CAMK1D: variants seen among roughly 807,000 people sequenced by gnomAD.
CAMK1D encodes calcium/calmodulin dependent protein kinase ID, also known as calcium/calmodulin-dependent protein kinase type 1D.
CAMK1D carries 9 observed loss-of-function variants against 47.7 expected under a neutral mutation model. The observed-to-expected ratio is 0.19, with a 90% CI of 0.11 to 0.33. The LOEUF is 0.33. CAMK1D is among the 10% of genes least tolerant of loss of function. The probability of loss-of-function intolerance (pLI) is 1.00; values close to 1 mark genes in which losing one functional copy is unlikely to be tolerated. For synonymous variants in CAMK1D, 184 were observed against 184.9 expected (o/e 0.99, Z 0.04); for missense variants, 291 against 488.7 (o/e 0.60, Z 3.81).
chr10:12,789,534 A>C (rs1235616334), intron 5 of CAMK1D, among the ~76,000 whole-genome samples: 1 of 152,234 alleles, frequency 6.6e-6, no homozygotes, highest in African/African-American at 2.4e-5. Flanking sequence ...CAGAGTTCAA[A>C]GGATTGTAGC....
chr10:12,792,764 C>CT (rs1457008944), intron 6 of CAMK1D, among the ~76,000 whole-genome samples: 12 of 152,192 alleles, frequency 7.9e-5, no homozygotes, highest in Non-Finnish European at 7.3e-5. Flanking sequence ...CTAAAGGACT[C>CT]TCGTTTATGG....
At chr10:12,711,533 T>C (rs996136492) in intron 3 of CAMK1D, among the ~76,000 whole-genome samples, 1 of 152,228 alleles carries the variant, frequency 6.6e-6, no homozygotes, top group African/African-American at 2.4e-5. Flanking sequence ...TGTCAGAGTA[T>C]GGAGATCCTA....
intron 6 of CAMK1D, among the ~76,000 whole-genome samples, chr10:12,793,482 T>C (rs2131006385): frequency 6.6e-6 from 1 of 152,372 alleles, no homozygotes; most frequent in Admixed American, 6.5e-5. Flanking sequence ...AATGATGTCT[T>C]AGTCAGATCA....
intron 1 of CAMK1D, among the ~76,000 whole-genome samples, chr10:12,524,372 T>C (rs1564390778): frequency 6.6e-6 from 1 of 152,224 alleles, no homozygotes; most frequent in East Asian, 1.9e-4. Flanking sequence ...GTTTAGTGTT[T>C]CCTCTTCATA....
chr10:12,657,535 C>T lies in CAMK1D; in HGVS notation c.225-9201C>T, dbSNP rs534911255. Among the ~76,000 whole-genome samples, 21 of 152,272 alleles carry T rather than the reference C, an allele frequency of 1.4e-4. No homozygotes were observed. The South Asian group carries it at 2.7e-3, about 20-fold the overall frequency. On this transcript the variant is annotated intron_variant, in intron 2 of 10. Transcript: ENST00000619168. Reference sequence around the variant, plus strand: ...TCTTGGGTTCAGTGAGAGAATGAAGCGCTAATGCTTAAGACATTTATTGTC... The same window carrying T: ...TCTTGGGTTCAGTGAGAGAATGAAGTGCTAATGCTTAAGACATTTATTGTC...
At chr10:12,817,005 G>T (rs553189910) in intron 8 of CAMK1D, among the ~76,000 whole-genome samples, 1 of 147,542 alleles carries the variant, frequency 6.8e-6, no homozygotes. Flanking sequence ...GGAGTAGCAA[G>T]TCATATCTTA....
intron 1 of CAMK1D, among the ~76,000 whole-genome samples, chr10:12,445,161 C>T (rs996660891): frequency 3.9e-5 from 6 of 152,104 alleles, no homozygotes; most frequent in Non-Finnish European, 8.8e-5. Context: ...TAATGCATGC[C>T]GGCCAGTCGT....
chr10:12,733,576 A>G (rs1834993048), intron 3 of CAMK1D, among the ~76,000 whole-genome samples: 1 of 152,196 alleles, frequency 6.6e-6, no homozygotes, highest in African/African-American at 2.4e-5. Flanking sequence ...AGGATTAACC[A>G]TTCCACAGCG....
intron 1 of CAMK1D, among the ~76,000 whole-genome samples, chr10:12,459,340 T>G (rs1388161072): frequency 1.3e-5 from 2 of 152,248 alleles, no homozygotes; most frequent in African/African-American, 4.8e-5. Flanking sequence ...ATAGTTTGCT[T>G]TCACAACAGT....
At chr10:12,476,215 C>G (rs1180355827) in intron 1 of CAMK1D, among the ~76,000 whole-genome samples, 2 of 151,902 alleles carry the variant, frequency 1.3e-5, no homozygotes, top group Non-Finnish European at 2.9e-5. Context: ...TAGCTTGAAC[C>G]TGGGAGGCGG....
chr10:12,469,002 G>C (rs987671816), intron 1 of CAMK1D, among the ~76,000 whole-genome samples: 1 of 152,094 alleles, frequency 6.6e-6, no homozygotes, highest in East Asian at 1.9e-4. Flanking sequence ...CGTCCTGCCC[G>C]GGCAAGGTGG....
intron 3 of CAMK1D, among the ~76,000 whole-genome samples, chr10:12,745,502 C>T (rs1253508778): frequency 2.0e-5 from 3 of 152,220 alleles, no homozygotes; most frequent in Non-Finnish European, 2.9e-5. Context: ...GAAAGCATCT[C>T]TATCTAAGGT....
At position 12,410,878 on chromosome 10, in the gene CAMK1D, G is replaced by T. The variant is rs191272614; in HGVS notation, c.92+60968G>T. 2.3e-3 allele frequency among the ~76,000 whole-genome samples: 346 copies of T among 152,244 alleles called. 7 individuals carry two copies. Among genetic ancestry groups the T allele is most frequent in the Non-Finnish European group, 8.2e-4 (56 of 68,034 alleles). ...GATTAATTTTAGGCAATCTCTGCGGGTATTTCCAGTGCTCTTGGCTTTTCT... is the reference window on the plus strand; with the variant it reads ...GATTAATTTTAGGCAATCTCTGCGGTTATTTCCAGTGCTCTTGGCTTTTCT... On this transcript the variant is annotated intron_variant, in intron 1 of 10. Transcript: ENST00000619168.
At chr10:12,782,733 C>T (rs1837554905) in intron 5 of CAMK1D, among the ~76,000 whole-genome samples, 1 of 152,180 alleles carries the variant, frequency 6.6e-6, no homozygotes, top group Non-Finnish European at 1.5e-5. Flanking sequence ...ACACAGATAC[C>T]TACTGGCATT....
chr10:12,622,025 C>G (rs1839014500), intron 2 of CAMK1D, among the ~76,000 whole-genome samples: 1 of 152,162 alleles, frequency 6.6e-6, no homozygotes, highest in Non-Finnish European at 1.5e-5. Flanking sequence ...GAGTAGAATT[C>G]TGGCTTCCTC....
chr10:12,466,314 A>T (rs1815351), intron 1 of CAMK1D, among the ~76,000 whole-genome samples: 3 of 152,044 alleles, frequency 2.0e-5, no homozygotes, highest in South Asian at 4.1e-4. Flanking sequence ...AGGCTGAGGC[A>T]GGAGAATGGT....
At chr10:12,723,678 A>G (rs1467776591) in intron 3 of CAMK1D, among the ~76,000 whole-genome samples, 2 of 150,816 alleles carry the variant, frequency 1.3e-5, no homozygotes, top group African/African-American at 4.8e-5. Context: ...AAAATACATC[A>G]TAAATAATTA....
intron 2 of CAMK1D, among the ~76,000 whole-genome samples, chr10:12,580,776 G>A (rs1322533338): frequency 6.6e-6 from 1 of 152,156 alleles, no homozygotes; most frequent in East Asian, 1.9e-4. Context: ...GGAAATGTGT[G>A]TATTGTTTTG....
intron 7 of CAMK1D, 90 bp from the exon 8 acceptor site, chr10:12,816,160 C>T (rs1463506463): frequency 3.1e-6 from 3 of 977,452 alleles, no homozygotes; most frequent in Admixed American, 3.9e-5. Flanking sequence ...TTTCATGCTA[C>T]ACACGCTCCT....
Sources: allele counts gnomAD v4.1 joint callset (sites outside exome capture counted in the v4.1 genomes callset), GRCh38; gene constraint gnomAD v4.1.1; transcripts MANE v1.5; gene names NCBI Gene and HGNC (gene_info 2026-07-23, HGNC 2026-07-21).